Variants in CCDC91 observed in about 807,000 individuals in gnomAD.
CCDC91 encodes the protein coiled-coil domain-containing protein 91.
In CCDC91, 48 loss-of-function variants were observed where a neutral mutation model predicts 63.2. That is an observed-to-expected ratio of 0.76 (90% CI 0.60 to 0.97). The LOEUF is 0.97. Among genes scored for constraint, CCDC91 ranks in the 50% least tolerant of loss-of-function variants. CCDC91 has a pLI of 0.00. For missense variants in CCDC91, 500 were observed against 494.6 expected (o/e 1.01, Z -0.10); for synonymous variants, 167 against 165.8 (o/e 1.01, Z -0.06).
rs1376395663 is a variant in CCDC91, at chr12:28,347,247, T to G, written c.577-15191T>G. Among the ~76,000 whole-genome samples the G allele has an allele frequency of 2.0e-5, 3 of 152,220 alleles. No individual in the cohort carries two copies. The East Asian group carries it at 5.8e-4, about 29-fold the overall frequency. On this transcript the variant is annotated intron_variant, in intron 6 of 12. Transcript: ENST00000536442. The stretch of plus-strand genomic sequence containing the variant: ...GACAAATGCACAGCTTTATTTACCC[T>G]TTCAGGGATCTGGAACAATTGAGCT...
chr12:28,323,643 T>C (rs1322692843), intron 6 of CCDC91, among the ~76,000 whole-genome samples: 1 of 151,942 alleles, frequency 6.6e-6, no homozygotes, highest in East Asian at 1.9e-4. Context: ...TAAACCCTGT[T>C]GCGATTTTGA....
chr12:28,228,372 AGTCT>A (rs1033077199), intron 1 of CCDC91, among the ~76,000 whole-genome samples: 8 of 152,234 alleles, frequency 5.3e-5, no homozygotes, highest in Admixed American at 2.6e-4. Context: ...TACGTTTGCA[AGTCT>A]GTCTTTCTAT....
At chr12:28,310,325 A>G (rs1044839026) in intron 6 of CCDC91, among the ~76,000 whole-genome samples, 3 of 152,190 alleles carry the variant, frequency 2.0e-5, no homozygotes, top group East Asian at 3.9e-4. Context: ...AACGTATATC[A>G]CTTTGGGTTG....
chr12:28,362,131 T>C (rs1413394774), intron 6 of CCDC91, among the ~76,000 whole-genome samples: 1 of 152,046 alleles, frequency 6.6e-6, no homozygotes, highest in African/African-American at 2.4e-5. Flanking sequence ...GTTTCCCATC[T>C]CTTGATCCAT....
intron 3 of CCDC91, chr12:28,304,721 G>A: frequency 8.9e-7 from 1 of 1,125,506 alleles, no homozygotes; most frequent in Non-Finnish European, 1.2e-6. Context: ...GGTCTTTATA[G>A]TTTAGAAAGT....
At chr12:28,350,477 C>A (rs140456575) in intron 6 of CCDC91, among the ~76,000 whole-genome samples, 3 of 151,970 alleles carry the variant, frequency 2.0e-5, no homozygotes, top group Non-Finnish European at 4.4e-5. Flanking sequence ...TACTGGTGTC[C>A]CGGGCATACA....
chr12:28,239,279 A>G (rs2169752), intron 1 of CCDC91, among the ~76,000 whole-genome samples: 85,905 of 151,826 alleles, frequency 0.57, 24,457 homozygotes, highest in East Asian at 0.61. Flanking sequence ...GGGCAAATGG[A>G]TGGAGCTGTC....
chr12:28,253,966 C>T (rs1946284454), intron 1 of CCDC91, among the ~76,000 whole-genome samples: 1 of 152,154 alleles, frequency 6.6e-6, no homozygotes, highest in Non-Finnish European at 1.5e-5. Context: ...TTTTCTTACA[C>T]TCTGCCCTCC....
intron 3 of CCDC91, among the ~76,000 whole-genome samples, chr12:28,261,929 A>G (rs184469606): frequency 3.3e-5 from 5 of 152,108 alleles, no homozygotes; most frequent in Admixed American, 2.0e-4. Context: ...TTTCTCAGTG[A>G]CTTGCAGAAA....
At chr12:28,248,466 G>A (rs1945909406) in intron 1 of CCDC91, among the ~76,000 whole-genome samples, 1 of 152,154 alleles carries the variant, frequency 6.6e-6, no homozygotes, top group Admixed American at 6.5e-5. Context: ...GGAGCCCTTT[G>A]GAGCACCAAA....
At chr12:28,200,075 A>T (rs1407993704) in intron 1 of CCDC91, among the ~76,000 whole-genome samples, 1 of 151,540 alleles carries the variant, frequency 6.6e-6, no homozygotes, top group East Asian at 1.9e-4. Context: ...CATTATGCAT[A>T]TGTTGGTATG....
At chr12:28,512,821 G>A (rs879648447) in intron 12 of CCDC91, among the ~76,000 whole-genome samples, 1 of 151,856 alleles carries the variant, frequency 6.6e-6, no homozygotes, top group Non-Finnish European at 1.5e-5. Context: ...TGGTACGGAA[G>A]GGATTCGATG....
intron 1 of CCDC91, among the ~76,000 whole-genome samples, chr12:28,244,134 C>A (rs761455060): frequency 6.6e-6 from 1 of 152,014 alleles, no homozygotes; most frequent in African/African-American, 2.4e-5. Context: ...TAAATGTAAG[C>A]AACATTTACA....
intron 12 of CCDC91, among the ~76,000 whole-genome samples, chr12:28,505,843 T>C (rs1317439293): frequency 6.6e-6 from 1 of 152,002 alleles, no homozygotes; most frequent in Non-Finnish European, 1.5e-5. Context: ...GCCTTGTATT[T>C]CTTGAAGTCC....
chr12:28,427,372 C>A (rs1432101126), intron 8 of CCDC91, among the ~76,000 whole-genome samples: 1 of 152,070 alleles, frequency 6.6e-6, no homozygotes, highest in Non-Finnish European at 1.5e-5. Flanking sequence ...AATGGTTACA[C>A]TTCTCTTCCC....
chr12:28,427,122 G>C (rs912627751), intron 8 of CCDC91, among the ~76,000 whole-genome samples: 15 of 151,972 alleles, frequency 9.9e-5, no homozygotes, highest in African/African-American at 3.6e-4. Flanking sequence ...TGTTTTGATG[G>C]CAAGGGGTTG....
intron 11 of CCDC91, among the ~76,000 whole-genome samples, chr12:28,457,240 A>T (rs1950097223): frequency 6.6e-6 from 1 of 151,914 alleles, no homozygotes; most frequent in African/African-American, 2.4e-5. Context: ...TTTGGCAGCT[A>T]GTTGGGATAC....
intron 8 of CCDC91, among the ~76,000 whole-genome samples, chr12:28,435,234 ATTT>A (rs1452649976): frequency 3.3e-5 from 5 of 151,170 alleles, no homozygotes; most frequent in African/African-American, 9.7e-5. Context: ...TTGATTTAGT[ATTT>A]TTCTAATGCT....
chr12:28,244,240 T>C (rs1281395395), intron 1 of CCDC91, among the ~76,000 whole-genome samples: 1 of 151,958 alleles, frequency 6.6e-6, no homozygotes, highest in Non-Finnish European at 1.5e-5. Context: ...CTTAGCAAAT[T>C]AAGAAAAGAG....
Sources: gnomAD v4.1 joint callset for allele counts (sites outside exome capture counted in the v4.1 genomes callset) on GRCh38, gnomAD v4.1.1 for gene constraint, MANE v1.5 for transcripts, NCBI Gene and HGNC (gene_info 2026-07-23, HGNC 2026-07-21) for gene names.